Variants in FRY observed in about 807,000 individuals in gnomAD.
FRY encodes protein furry homolog.
FRY carries 128 observed loss-of-function variants against 348.4 expected under a neutral mutation model. The ratio of observed to expected loss-of-function variants is 0.37; its 90% confidence interval spans 0.32 to 0.43. FRY has a LOEUF of 0.43. FRY is among the 20% of genes least tolerant of loss of function. FRY has a pLI of 1.00. For synonymous variants in FRY, 1,370 were observed against 1,374.7 expected, an observed-to-expected ratio of 1.00 and a Z score of 0.08; for missense variants, 2,736 against 3,695.2, an observed-to-expected ratio of 0.74 and a Z score of 6.73.
chr13:32,293,752 A>C (rs1260320250), intron 59 of FRY, among the ~76,000 whole-genome samples: 1 of 152,194 alleles, frequency 6.6e-6, no homozygotes, highest in Non-Finnish European at 1.5e-5. Context: ...GTTTAAGATT[A>C]TTCTATCTCC....
At chr13:32,075,569 G>C (rs1473775846) in intron 1 of FRY, among the ~76,000 whole-genome samples, 1 of 152,196 alleles carries the variant, frequency 6.6e-6, no homozygotes, top group East Asian at 1.9e-4. Flanking sequence ...TAATGATAAT[G>C]CTCTAATATT....
intron 29 of FRY, among the ~76,000 whole-genome samples, chr13:32,198,578 C>T (rs968827466): frequency 2.0e-5 from 3 of 152,132 alleles, no homozygotes; most frequent in East Asian, 1.9e-4. Context: ...TTCTACATGA[C>T]CTGAAGCAAG....
chr13:32,044,141 A>G (rs1176198094), intron 1 of FRY, among the ~76,000 whole-genome samples: 2 of 152,232 alleles, frequency 1.3e-5, no homozygotes, highest in Non-Finnish European at 2.9e-5. Context: ...TTCAATATTT[A>G]TTTGTTTAAT....
chr13:32,133,092 G>A (rs1879471470), intron 8 of FRY, among the ~76,000 whole-genome samples: 2 of 152,134 alleles, frequency 1.3e-5, no homozygotes, highest in African/African-American at 2.4e-5. Flanking sequence ...TCCTTTGGGT[G>A]TCATTAAAAG....
chr13:32,215,318 G>A (rs991818856), intron 35 of FRY, among the ~76,000 whole-genome samples: 1 of 152,062 alleles, frequency 6.6e-6, no homozygotes, highest in Non-Finnish European at 1.5e-5. Context: ...TATTTAAGAT[G>A]ATGGATATCC....
intron 31 of FRY, among the ~76,000 whole-genome samples, chr13:32,203,395 A>T (rs1884158815): frequency 6.6e-6 from 1 of 152,158 alleles, no homozygotes; most frequent in Non-Finnish European, 1.5e-5. Flanking sequence ...CACATGGAGG[A>T]TAAACTGCAG....
chr13:32,268,607 T>A (rs1245521389), intron 55 of FRY, among the ~76,000 whole-genome samples: 2 of 149,652 alleles, frequency 1.3e-5, no homozygotes, highest in East Asian at 4.0e-4. Context: ...AATATCATTG[T>A]ATCTTTTCAC....
chr13:32,135,972 C>T (rs550944820), intron 10 of FRY, among the ~76,000 whole-genome samples: 2 of 152,100 alleles, frequency 1.3e-5, no homozygotes, highest in Non-Finnish European at 2.9e-5. Flanking sequence ...TTTTAGATTA[C>T]TGACTAGCAT....
chr13:32,178,780 T>TTAA (rs1882522165), intron 21 of FRY, 64 bp from the exon 22 acceptor site: 1 of 1,096,560 alleles, frequency 9.1e-7, no homozygotes, highest in African/African-American at 1.5e-5. Flanking sequence ...TGATCTTTAT[T>TTAA]TAATAAGTGA....
rs563803985 is a variant in FRY, at chr13:32,186,479, T to G, written c.3480+59T>G. On this transcript the variant is annotated intron_variant, in intron 27 of 60. Coordinates refer to ENST00000542859, the MANE Select transcript of FRY (RefSeq NM_023037.3). ...AGATGGATGGTCTCTCTCGTTAAACTAATAACCATGCCTTAAAAATAAGCT... is the reference window on the plus strand; with the variant it reads ...AGATGGATGGTCTCTCTCGTTAAACGAATAACCATGCCTTAAAAATAAGCT... 203 of 1,045,936 alleles carry G rather than the reference T, an allele frequency of 1.9e-4. No individual in the cohort carries two copies. The East Asian group carries it at 3.4e-3, about 18-fold the overall frequency. The allele number at this position is 1,045,936 out of a possible 1,614,324, so 64.8% of individuals were successfully genotyped here.
chr13:32,286,603 G>A (rs1308289106), intron 58 of FRY, among the ~76,000 whole-genome samples: 2 of 151,696 alleles, frequency 1.3e-5, no homozygotes, highest in Non-Finnish European at 2.9e-5. Context: ...AGCATTAGCT[G>A]GGCATGGTGG....
chr13:32,249,730 A>G (rs1886982214), intron 49 of FRY, 43 bp downstream of exon 49: 10 of 1,576,472 alleles, frequency 6.3e-6, no homozygotes, highest in Non-Finnish European at 8.7e-6. Flanking sequence ...GAGTTTAGGG[A>G]CCTGTTGAGT....
chr13:32,206,667 A>T (rs2138343425), intron 31 of FRY, among the ~76,000 whole-genome samples: 1 of 152,314 alleles, frequency 6.6e-6, no homozygotes, highest in South Asian at 2.1e-4. Flanking sequence ...GTTTAACCAG[A>T]TCAGAGGCTC....
In FRY at chr13:32,184,626, C is replaced by A; in HGVS notation, c.3081C>A (p.Asp1027Glu). The change falls in exon 25 of 61, where the codon GAC (aspartate) becomes GAA (glutamate). Residue 1027 changes from aspartate (D) to glutamate (E), a missense_variant. Around this residue, in one of 9 missense-constraint regions of FRY, gnomAD observed 449 missense variants for 576.9 expected, o/e 0.78. Coordinates refer to ENST00000542859, the MANE Select transcript of FRY (RefSeq NM_023037.3). ...ACAAGAAACGCCGAGAACGGCGAGA[C>A]TTGTTAAGGCTACAACTACTTCGAA... ...PENKKRRERR[D>E]LLRLQLLRIF... 6.2e-7 allele frequency: 1 copy of A among 1,613,354 alleles called. No individual in the cohort carries two copies. Among genetic ancestry groups the A allele is most frequent in the Non-Finnish European group, 8.5e-7 (1 of 1,179,234 alleles).
intron 59 of FRY, chr13:32,292,040 T>A: frequency 2.2e-6 from 1 of 451,194 alleles, no homozygotes; most frequent in South Asian, 1.6e-5. Context: ...TGGAGTGCAA[T>A]GGCACGATCT....
chr13:32,278,538 C>G lies in FRY; in HGVS notation c.8459C>G (p.Ser2820Cys). ...GTAATTACCTGTCAACCAGGGGACT[C>G]CGAAGAAAAGGTAATAAAAGCCTGT... ...DGVITCQPGD[S>C]EEKQLELCQR... The change falls in exon 58 of 61, where the codon TCC (serine) becomes TGC (cysteine). Residue 2820 changes from serine (S) to cysteine (C), a missense_variant. Ser to Cys is a moderately radical substitution (Grantham distance 112). This residue lies in a region of FRY where 789 missense variants were observed against 996.2 expected (regional missense o/e 0.79). Coordinates refer to ENST00000542859, the MANE Select transcript of FRY (RefSeq NM_023037.3). The G allele has an allele frequency of 1.9e-6, 3 of 1,551,776 alleles. No individual in the cohort carries two copies. The highest frequency in any genetic ancestry group is 2.7e-6 in the Non-Finnish European group (3 of 1,123,544).
chr13:32,188,446 A>G (rs982213102), intron 28 of FRY, among the ~76,000 whole-genome samples: 2 of 152,166 alleles, frequency 1.3e-5, no homozygotes, highest in African/African-American at 2.4e-5. Context: ...AAACTCTTGC[A>G]AAATTGCCCT....
In FRY at chr13:32,231,842, C is replaced by G. The variant is rs1885932975; in HGVS notation, c.5527+542C>G. The stretch of plus-strand genomic sequence containing the variant: ...TCCTTCAGGTCCAAGTTGGCCTGGG[C>G]TGATTTGTGTGTGAAACTTAAATCC... On this transcript the variant is annotated intron_variant, in intron 41 of 60. Coordinates refer to ENST00000542859, the MANE Select transcript of FRY (RefSeq NM_023037.3). Among the ~76,000 whole-genome samples, 4 of 152,204 alleles carry G rather than the reference C, an allele frequency of 2.6e-5. No homozygotes were observed. In the South Asian group the frequency reaches 8.3e-4, roughly 32 times the overall value.
intron 55 of FRY, among the ~76,000 whole-genome samples, chr13:32,270,834 G>C (rs549548915): frequency 6.6e-6 from 1 of 152,186 alleles, no homozygotes; most frequent in Non-Finnish European, 1.5e-5. Flanking sequence ...CCCGTGAAGA[G>C]GGCAGGTAAA....
Sources: allele counts gnomAD v4.1 joint callset (sites outside exome capture counted in the v4.1 genomes callset), GRCh38; gene constraint gnomAD v4.1.1; regional missense constraint gnomAD v4.1.1; transcripts MANE v1.5; gene names NCBI Gene and HGNC (gene_info 2026-07-23, HGNC 2026-07-21).